MYO5B: variants seen among roughly 807,000 people sequenced by gnomAD.
The protein encoded by MYO5B is myosin VB.
MYO5B carries 143 observed loss-of-function variants against 229.3 expected under a neutral mutation model. The observed-to-expected ratio is 0.62, with a 90% CI of 0.54 to 0.72. The LOEUF (loss-of-function observed/expected upper bound fraction) is 0.72. MYO5B is among the 30% of genes least tolerant of loss of function. MYO5B has a pLI of 0.00. For missense variants in MYO5B, 2,321 were observed against 2,331.0 expected (o/e 1.00, Z 0.09); for synonymous variants, 918 against 885.2 (o/e 1.04, Z -0.66).
At chr18:50,040,361 T>TA (rs1664651325) in intron 2 of MYO5B, 47 bp from the exon 3 acceptor site, 1 of 1,537,582 alleles carries the variant, frequency 6.5e-7, no homozygotes, top group African/African-American at 1.4e-5. Flanking sequence ...TATGAAGCGT[T>TA]AAGTCTGTAT....
intron 1 of MYO5B, among the ~76,000 whole-genome samples, chr18:50,087,342 C>T (rs983599423): frequency 1.3e-5 from 2 of 152,184 alleles, no homozygotes; most frequent in Non-Finnish European, 2.9e-5. Context: ...GAGGCCGAGG[C>T]GGGTAGATCA....
chr18:50,118,151 C>T (rs960920969), intron 1 of MYO5B, among the ~76,000 whole-genome samples: 5 of 152,140 alleles, frequency 3.3e-5, no homozygotes, highest in South Asian at 2.1e-4. Context: ...CCCATCCACC[C>T]GCCCCCAACT....
intron 29 of MYO5B, among the ~76,000 whole-genome samples, chr18:49,857,760 G>T (rs1430465363): frequency 2.6e-5 from 4 of 152,194 alleles, no homozygotes; most frequent in Admixed American, 6.5e-5. Context: ...TGGAGGTCAG[G>T]TGTGTCCAAT....
At chr18:49,846,652 C>A (rs1474276043) in intron 33 of MYO5B, among the ~76,000 whole-genome samples, 1 of 152,096 alleles carries the variant, frequency 6.6e-6, no homozygotes, top group African/African-American at 2.4e-5. Context: ...AGCTGTGTGA[C>A]CTGGGCAAGT....
At chr18:50,092,583 A>C (rs933347839) in intron 1 of MYO5B, among the ~76,000 whole-genome samples, 3 of 152,192 alleles carry the variant, frequency 2.0e-5, no homozygotes, top group Non-Finnish European at 4.4e-5. Context: ...AAAGGGTTAT[A>C]AAGACCAGAA....
At chr18:49,936,588 C>T (rs1270449239) in intron 15 of MYO5B, among the ~76,000 whole-genome samples, 1 of 152,064 alleles carries the variant, frequency 6.6e-6, no homozygotes, top group East Asian at 1.9e-4. Context: ...ACAGACTACC[C>T]CCTAATGTGC....
intron 1 of MYO5B, among the ~76,000 whole-genome samples, chr18:50,083,959 G>C (rs116111442): frequency 0.013 from 1,963 of 152,256 alleles, 35 homozygotes; most frequent in African/African-American, 0.045. Flanking sequence ...AGACCCTAGC[G>C]TCAGAATGGT....
intron 2 of MYO5B, among the ~76,000 whole-genome samples, chr18:50,045,913 T>C (rs2030211651): frequency 6.6e-6 from 1 of 152,222 alleles, no homozygotes. Flanking sequence ...TCTGATTCAC[T>C]GATAACTTCT....
At chr18:49,847,405 G>A (rs2024143775) in intron 32 of MYO5B, 116 bp from the exon 33 acceptor site, 3 of 1,310,938 alleles carry the variant, frequency 2.3e-6, no homozygotes, top group Non-Finnish European at 3.2e-6. Context: ...GGGCATCTCT[G>A]GCAGGTGGAG....
chr18:49,843,599 A>C lies in MYO5B; in HGVS notation c.4460-207T>G, dbSNP rs1416212604. ...CAGTAGTTTCAGACACTGTGGTTAAAAACACAAACAAACAAAACCACATTC... is the reference window on the plus strand; with the variant it reads ...CAGTAGTTTCAGACACTGTGGTTAACAACACAAACAAACAAAACCACATTC... On this transcript the variant is annotated intron_variant, in intron 33 of 39. Transcript: ENST00000285039. Among the ~76,000 whole-genome samples, 3 of 152,360 alleles carry C rather than the reference A, an allele frequency of 2.0e-5. No individual in the cohort carries two copies. In the East Asian group the frequency reaches 5.8e-4, roughly 29 times the overall value.
chr18:49,900,921 C>T (rs1308780430), intron 21 of MYO5B, among the ~76,000 whole-genome samples: 1 of 152,190 alleles, frequency 6.6e-6, no homozygotes, highest in African/African-American at 2.4e-5. Context: ...GCAATGCCCC[C>T]ATTATGGCTG....
At chr18:50,179,531 A>T (rs2033043533) in intron 1 of MYO5B, among the ~76,000 whole-genome samples, 1 of 152,226 alleles carries the variant, frequency 6.6e-6, no homozygotes, top group Admixed American at 6.5e-5. Context: ...ACAACGGTGC[A>T]TAGTGGAGCC....
At chr18:49,902,457 T>C (rs2024852373) in intron 21 of MYO5B, 137 bp downstream of exon 21, 7 of 1,179,910 alleles carry the variant, frequency 5.9e-6, no homozygotes, top group Non-Finnish European at 8.7e-6. Flanking sequence ...CCACAGTTAG[T>C]ATCTGCTGTG....
chr18:50,036,530 A>G (rs1160135794), intron 4 of MYO5B, among the ~76,000 whole-genome samples: 1 of 152,174 alleles, frequency 6.6e-6, no homozygotes, highest in Non-Finnish European at 1.5e-5. Flanking sequence ...AATGAATTAT[A>G]TTATACCATA....
intron 27 of MYO5B, among the ~76,000 whole-genome samples, chr18:49,865,791 C>T (rs1399583128): frequency 6.6e-6 from 1 of 152,236 alleles, no homozygotes; most frequent in Non-Finnish European, 1.5e-5. Flanking sequence ...TGCCTCAAGA[C>T]AGAGCCAGGT....
intron 17 of MYO5B, 126 bp from the exon 18 acceptor site, chr18:49,912,299 A>C: frequency 1.3e-6 from 1 of 776,286 alleles, no homozygotes; most frequent in Non-Finnish European, 2.3e-6. Context: ...TCAGAGCAGC[A>C]AAGAACAGTC....
At chr18:50,082,568 A>C (rs1336702744) in intron 1 of MYO5B, among the ~76,000 whole-genome samples, 1 of 152,212 alleles carries the variant, frequency 6.6e-6, no homozygotes, top group African/African-American at 2.4e-5. Flanking sequence ...AATGTCATCA[A>C]CATACTGTGA....
At chr18:50,052,170 A>G (rs959109452) in intron 2 of MYO5B, among the ~76,000 whole-genome samples, 2 of 152,206 alleles carry the variant, frequency 1.3e-5, no homozygotes, top group Non-Finnish European at 2.9e-5. Flanking sequence ...ATCTAGAACT[A>G]GAAATACCTT....
intron 6 of MYO5B, among the ~76,000 whole-genome samples, chr18:49,991,672 C>CA (rs888932157): frequency 6.6e-6 from 1 of 152,048 alleles, no homozygotes; most frequent in African/African-American, 2.4e-5. Flanking sequence ...CGGGGCCTGT[C>CA]AGTGGGTGGA....
Sources: gnomAD v4.1 joint callset for allele counts (sites outside exome capture counted in the v4.1 genomes callset) on GRCh38, gnomAD v4.1.1 for gene constraint, MANE v1.5 for transcripts, NCBI Gene and HGNC (gene_info 2026-07-23, HGNC 2026-07-21) for gene names.